GPC6: variants seen among roughly 807,000 people sequenced by gnomAD.
GPC6 encodes glypican 6.
GPC6 carries 14 observed loss-of-function variants against 55.2 expected under a neutral mutation model. The ratio of observed to expected loss-of-function variants is 0.25; its 90% CI spans 0.17 to 0.40. GPC6 has a LOEUF of 0.40. Among genes scored for constraint, GPC6 ranks in the 10% least tolerant of loss-of-function variants. The pLI is 1.00. For synonymous variants in GPC6, 278 were observed against 259.6 expected, an observed-to-expected ratio of 1.07 and a Z score of -0.68; for missense variants, 641 against 708.5, an observed-to-expected ratio of 0.90 and a Z score of 1.08.
At chr13:93,246,791 A>G (rs1361704248) in intron 1 of GPC6, among the ~76,000 whole-genome samples, 1 of 57,124 alleles carries the variant, frequency 1.8e-5, no homozygotes, top group Non-Finnish European at 4.0e-5. Context: ...GACTGTCTCA[A>G]AAAAAAAAAA....
chr13:93,377,041 T>C (rs1874930298), intron 1 of GPC6, among the ~76,000 whole-genome samples: 1 of 152,236 alleles, frequency 6.6e-6, no homozygotes, highest in African/African-American at 2.4e-5. Flanking sequence ...TTAATTTTCC[T>C]TTCTAACTTA....
At chr13:93,217,752 C>T in the GPC6 span, among the ~76,000 whole-genome samples, 1 of 152,152 alleles carries the variant, frequency 6.6e-6, no homozygotes, top group African/African-American at 2.4e-5. Flanking sequence ...TATGCACACT[C>T]ACAATACTGT....
chr13:94,358,966 CA>C (rs1878931894), intron 6 of GPC6, among the ~76,000 whole-genome samples: 2 of 151,888 alleles, frequency 1.3e-5, no homozygotes, highest in Non-Finnish European at 2.9e-5. Flanking sequence ...CTTTTTGGAC[CA>C]AAAAAAGTAA....
At chr13:94,063,412 A>G (rs2138771454) in intron 4 of GPC6, among the ~76,000 whole-genome samples, 1 of 152,258 alleles carries the variant, frequency 6.6e-6, no homozygotes, top group South Asian at 2.1e-4. Flanking sequence ...GTGGTGTAGA[A>G]TGCTAGGGAG....
chr13:93,556,529 T>G (rs1875493018), intron 2 of GPC6, among the ~76,000 whole-genome samples: 1 of 151,252 alleles, frequency 6.6e-6, no homozygotes, highest in African/African-American at 2.4e-5. Context: ...ATTTATTCTT[T>G]GAGTTACAGG....
intron 4 of GPC6, among the ~76,000 whole-genome samples, chr13:94,137,009 G>A (rs376704565): frequency 2.0e-5 from 3 of 152,068 alleles, no homozygotes; most frequent in African/African-American, 7.2e-5. Context: ...TTGGATTTGC[G>A]GGCAAAGGAG....
intron 1 of GPC6, among the ~76,000 whole-genome samples, chr13:93,306,142 G>T (rs1023897935): frequency 5.3e-5 from 8 of 152,116 alleles, no homozygotes; most frequent in African/African-American, 2.4e-5. Flanking sequence ...GTATGTTATT[G>T]ACATCTTTTT....
chr13:93,942,996 T>G (rs1878809958), intron 3 of GPC6, among the ~76,000 whole-genome samples: 1 of 152,086 alleles, frequency 6.6e-6, no homozygotes, highest in African/African-American at 2.4e-5. Flanking sequence ...CTCAAGCATA[T>G]GGCCTCTATG....
At chr13:94,275,156 G>C (rs967297693) in intron 4 of GPC6, among the ~76,000 whole-genome samples, 6 of 152,194 alleles carry the variant, frequency 3.9e-5, no homozygotes, top group African/African-American at 1.4e-4. Flanking sequence ...TTGTTCTAGA[G>C]TTTGGAAATA....
intron 2 of GPC6, among the ~76,000 whole-genome samples, chr13:93,756,296 G>T (rs1884767038): frequency 6.6e-6 from 1 of 152,094 alleles, no homozygotes. Context: ...GTAACTTGTG[G>T]TCATTGTGAC....
Position 94,270,632 on chromosome 13 carries a change from A to G in GPC6, c.878-15717A>G, listed in dbSNP as rs1290678246. 1.9e-4 allele frequency among the ~76,000 whole-genome samples: 29 copies of G among 152,262 alleles called. 1 individual carries two copies. The highest frequency in any genetic ancestry group is 1.9e-3 in the Admixed American group (29 of 15,286). Reference sequence around the variant, plus strand: ...TTTCCAAATAGTGTGTGACAAACACATACAAAGAAAACATTTGAAGTTTTA... The same window carrying G: ...TTTCCAAATAGTGTGTGACAAACACGTACAAAGAAAACATTTGAAGTTTTA... On this transcript the variant is annotated intron_variant, in intron 4 of 8. Coordinates refer to ENST00000377047, the MANE Select transcript of GPC6 (RefSeq NM_005708.5).
intron 1 of GPC6, among the ~76,000 whole-genome samples, chr13:93,292,546 C>T (rs976368064): frequency 7.9e-5 from 12 of 152,046 alleles, no homozygotes; most frequent in Non-Finnish European, 1.5e-4. Context: ...CATGACTTGG[C>T]AGATATTACA....
intron 4 of GPC6, among the ~76,000 whole-genome samples, chr13:94,109,435 A>C (rs990008930): frequency 6.6e-6 from 1 of 151,040 alleles, no homozygotes; most frequent in Non-Finnish European, 1.5e-5. Flanking sequence ...GACAGAAACT[A>C]GGTTTAAATT....
chr13:93,581,785 G>A (rs1018022525), intron 2 of GPC6, among the ~76,000 whole-genome samples: 24 of 152,194 alleles, frequency 1.6e-4, no homozygotes, highest in South Asian at 6.2e-4. Context: ...GGAGAGCCAC[G>A]ACAATTGTAT....
intron 1 of GPC6, among the ~76,000 whole-genome samples, chr13:93,538,542 A>G (rs1269658138): frequency 6.6e-6 from 1 of 152,238 alleles, no homozygotes; most frequent in Non-Finnish European, 1.5e-5. Context: ...AAACTGGGCC[A>G]GGATCAGCGT....
chr13:93,287,754 G>A (rs147165704), intron 1 of GPC6, among the ~76,000 whole-genome samples: 2 of 152,266 alleles, frequency 1.3e-5, no homozygotes, highest in East Asian at 3.9e-4. Context: ...AGATCCATAT[G>A]TTTGATTCTT....
intron 3 of GPC6, among the ~76,000 whole-genome samples, chr13:93,854,031 G>A (rs1464349030): frequency 1.3e-5 from 2 of 151,492 alleles, no homozygotes; most frequent in African/African-American, 4.8e-5. Flanking sequence ...TCACGTCGTG[G>A]ATCTGATTAC....
intron 2 of GPC6, among the ~76,000 whole-genome samples, chr13:93,714,886 A>G (rs560184146): frequency 3.3e-5 from 5 of 151,762 alleles, no homozygotes; most frequent in Non-Finnish European, 5.9e-5. Flanking sequence ...ACCAGGGAAC[A>G]GTCCCTTTTC....
intron 2 of GPC6, among the ~76,000 whole-genome samples, chr13:93,766,974 CTTAA>C (rs1224270905): frequency 6.6e-6 from 1 of 151,984 alleles, no homozygotes; most frequent in Admixed American, 6.6e-5. Context: ...TTAAAATGCA[CTTAA>C]TTTTTTTTTT....
Sources: allele counts gnomAD v4.1 joint callset (sites outside exome capture counted in the v4.1 genomes callset), GRCh38; gene constraint gnomAD v4.1.1; transcripts MANE v1.5; gene names NCBI Gene and HGNC (gene_info 2026-07-23, HGNC 2026-07-21).